The following GAK variants were observed in gnomAD, a reference collection of about 807,000 sequenced individuals.
GAK encodes cyclin-G-associated kinase.
In GAK, 79 loss-of-function variants were observed where a neutral mutation model predicts 143.9. The ratio of observed to expected loss-of-function variants is 0.55; its 90% CI spans 0.46 to 0.66. The LOEUF (loss-of-function observed/expected upper bound fraction) is 0.66, where lower values mean the gene tolerates loss of function less well. Among genes scored for constraint, GAK ranks in the 30% least tolerant of loss-of-function variants. GAK has a pLI of 0.00. For missense variants in GAK, 1,693 were observed against 1,779.7 expected (o/e 0.95, Z 0.88); for synonymous variants, 881 against 765.5 (o/e 1.15, Z -2.49).
At chr4:886,971 C>G (rs1288740535) in intron 11 of GAK, 6 of 152,594 alleles carry the variant, frequency 3.9e-5, no homozygotes, top group African/African-American at 1.2e-4. Context: ...TGGAACCACA[C>G]AGCCAAACAT....
In GAK at chr4:866,461, G is replaced by A. The variant is rs369273053; in HGVS notation, c.2946C>T (p.Gly982=). 7.4e-6 allele frequency: 12 copies of A among 1,614,020 alleles called. No individual in the cohort carries two copies. In the African/African-American group the frequency reaches 8.0e-5, roughly 11 times the overall value. ...SQPCSNPDLF[G]EFLNSDSVTV... Reference sequence around the variant, plus strand: ...TCACAGAGTCCGAATTGAGAAATTCGCCGAAGAGATCAGGATTGGAGCAGG... The same window carrying A: ...TCACAGAGTCCGAATTGAGAAATTCACCGAAGAGATCAGGATTGGAGCAGG... Residue 982 remains glycine (G), a synonymous_variant, in exon 22 of 28, where the codon GGC becomes GGT. Coordinates refer to ENST00000314167, the MANE Select transcript of GAK (RefSeq NM_005255.4).
intron 1 of GAK, among the ~76,000 whole-genome samples, chr4:923,996 C>T (rs1016599052): frequency 1.1e-4 from 16 of 151,726 alleles, no homozygotes; most frequent in Non-Finnish European, 1.6e-4. Context: ...ACCAGCCTGA[C>T]CAACATAGTG....
rs752617880 is a variant in GAK, at chr4:890,510, G to A, written c.1081+22C>T. 39 of 1,566,284 alleles carry A rather than the reference G, an allele frequency of 2.5e-5. 1 individual carries two copies. The highest frequency in any genetic ancestry group is 1.3e-4 in the South Asian group (11 of 87,252). ...GCAGCAGGAGCGAGGGACAGGTGGCGGGCACAGGACAGGGCACTCACCTCC... is the reference window on the plus strand; with the variant it reads ...GCAGCAGGAGCGAGGGACAGGTGGCAGGCACAGGACAGGGCACTCACCTCC... On this transcript the variant is annotated intron_variant, in intron 10 of 27. Transcript: ENST00000314167.
rs528066012 is a variant in GAK at position 912,112 on chromosome 4, G to A, written c.268-325C>T. 5.9e-4 allele frequency: 274 copies of A among 464,730 alleles called. 3 individuals carry two copies. Among genetic ancestry groups the A allele is most frequent in the South Asian group, 4.1e-3 (262 of 64,584 alleles). 28.8% of individuals were successfully genotyped at this position (464,730 alleles called of 1,614,324 possible). A position where few individuals can be genotyped will look rare whatever the true frequency, so the allele number is the denominator to read the frequency against. On this transcript the variant is annotated intron_variant, in intron 3 of 27. Coordinates refer to ENST00000314167, the MANE Select transcript of GAK (RefSeq NM_005255.4). ...AGGGGGCTGTGCGCAGGGAGGCTGC[G>A]GCGTGGCTGTGTCCACCCGAACCCA...
chr4:857,815 T>A (rs534783334), intron 24 of GAK, among the ~76,000 whole-genome samples: 1 of 151,998 alleles, frequency 6.6e-6, no homozygotes. Flanking sequence ...TCCCTTTTTT[T>A]CCCCCCAAAT....
intron 4 of GAK, 126 bp from the exon 5 acceptor site, chr4:904,905 TAACAA>T: frequency 1.1e-6 from 1 of 894,426 alleles, no homozygotes; most frequent in Non-Finnish European, 1.7e-6. Flanking sequence ...CACACCTAAG[TAACAA>T]AACGACCAGA....
intron 19 of GAK, chr4:869,048 C>CA (rs1711716208): frequency 4.6e-6 from 1 of 216,718 alleles, no homozygotes; most frequent in Non-Finnish European, 8.9e-6. Context: ...ACAGTACACA[C>CA]AAATGCACAC....
At chr4:900,656 A>G (rs1025456347) in intron 5 of GAK, among the ~76,000 whole-genome samples, 2 of 152,010 alleles carry the variant, frequency 1.3e-5, no homozygotes, top group Admixed American at 6.6e-5. Context: ...CCCCTCATGG[A>G]GCCCTGCAGC....
At chr4:883,539 T>A in intron 12 of GAK, 76 bp from the exon 13 acceptor site, 1 of 1,536,212 alleles carries the variant, frequency 6.5e-7, no homozygotes, top group Non-Finnish European at 8.9e-7. Context: ...GCCTCGCTGC[T>A]CCTGACGCCC....
intron 1 of GAK, among the ~76,000 whole-genome samples, chr4:916,475 G>T (rs776781951): frequency 1.1e-4 from 17 of 152,180 alleles, no homozygotes; most frequent in Non-Finnish European, 1.8e-4. Context: ...GGCGGGTCTA[G>T]CCTCCCAAAG....
intron 1 of GAK, among the ~76,000 whole-genome samples, chr4:921,688 T>G (rs1430733188): frequency 7.0e-6 from 1 of 143,134 alleles, no homozygotes; most frequent in Non-Finnish European, 1.5e-5. Context: ...GCTTTGTTTG[T>G]TTTTTTTTTT....
intron 22 of GAK, 32 bp from the exon 23 acceptor site, chr4:865,276 T>C (rs373506381): frequency 4.3e-6 from 7 of 1,611,766 alleles, no homozygotes; most frequent in African/African-American, 1.3e-5. Flanking sequence ...AGAGCACAGT[T>C]TGGTGTCTCA....
At chr4:915,109 C>A (rs190247773) in intron 1 of GAK, among the ~76,000 whole-genome samples, 4 of 144,590 alleles carry the variant, frequency 2.8e-5, no homozygotes, top group Admixed American at 2.8e-4. Context: ...GCGTACACGG[C>A]CCCCCGCACT....
At chr4:925,719 G>T (rs1386210985) in intron 1 of GAK, among the ~76,000 whole-genome samples, 1 of 152,194 alleles carries the variant, frequency 6.6e-6, no homozygotes, top group African/African-American at 2.4e-5. Flanking sequence ...CACCCCTTCT[G>T]CCCTGTGAGG....
chr4:903,414 C>T (rs910394665), intron 5 of GAK, among the ~76,000 whole-genome samples: 3 of 152,284 alleles, frequency 2.0e-5, no homozygotes, highest in Admixed American at 6.5e-5. Context: ...GGCAAGGGGT[C>T]CGGCCCCCGA....
intron 1 of GAK, among the ~76,000 whole-genome samples, chr4:914,520 C>T (rs1410109433): frequency 9.4e-6 from 1 of 106,284 alleles, no homozygotes; most frequent in East Asian, 3.6e-4. Context: ...CACACACAGC[C>T]CCAGCGTGCA....
chr4:930,058 G>A (rs1725415517), intron 1 of GAK, among the ~76,000 whole-genome samples: 1 of 152,172 alleles, frequency 6.6e-6, no homozygotes, highest in African/African-American at 2.4e-5. Context: ...GAAAAATTCT[G>A]GAAGTGTAAA....
chr4:849,821 C>CA lies in GAK; in HGVS notation c.3835-48_3835-47insT, dbSNP rs1747750463. The CA allele has an allele frequency of 2.1e-6, 3 of 1,435,276 alleles. No homozygotes were observed. In the African/African-American group the frequency reaches 4.5e-5, roughly 22 times the overall value. 88.9% of individuals were successfully genotyped at this position (1,435,276 alleles called of 1,614,324 possible). On this transcript the variant is annotated intron_variant, in intron 27 of 27. Transcript: ENST00000314167. ...AGCGCCTCTTATAAGCATGCGGGGG[C>CA]GGGCGGGGCAGGACCCCCCCCCCGC...
intron 15 of GAK, among the ~76,000 whole-genome samples, chr4:878,185 T>C (rs557906327): frequency 1.1e-4 from 16 of 152,246 alleles, no homozygotes; most frequent in Non-Finnish European, 2.1e-4. Flanking sequence ...GGTCAGGAGT[T>C]TGAGACCAGC....
Sources: gnomAD v4.1 joint callset for allele counts (sites outside exome capture counted in the v4.1 genomes callset) on GRCh38, gnomAD v4.1.1 for gene constraint, MANE v1.5 for transcripts, NCBI Gene and HGNC (gene_info 2026-07-23, HGNC 2026-07-21) for gene names.